Variants in MYO3B observed in about 807,000 individuals in gnomAD.
The protein encoded by MYO3B is myosin IIIB, also known as myosin-IIIb.
In MYO3B, 156 loss-of-function variants were observed where a neutral mutation model predicts 174.6. That is an observed-to-expected ratio of 0.89 (90% CI 0.78 to 1.02). The LOEUF (loss-of-function observed/expected upper bound fraction) is 1.02, where lower values mean the gene tolerates loss of function less well. Among genes scored for constraint, MYO3B ranks in the 50% least tolerant of loss-of-function variants. MYO3B has a pLI of 0.00. For synonymous variants in MYO3B, 563 were observed against 569.1 expected (o/e 0.99, Z 0.15); for missense variants, 1,632 against 1,639.4 (o/e 1.00, Z 0.08).
chr2:170,225,803 G>GA (rs1159566490), intron 6 of MYO3B, among the ~76,000 whole-genome samples: 1 of 152,064 alleles, frequency 6.6e-6, no homozygotes, highest in Non-Finnish European at 1.5e-5. Flanking sequence ...AAAATGGGGA[G>GA]AAAAAAACCT....
At chr2:170,365,028 T>G (rs866048706) in intron 8 of MYO3B, among the ~76,000 whole-genome samples, 3 of 152,196 alleles carry the variant, frequency 2.0e-5, no homozygotes, top group African/African-American at 7.2e-5. Flanking sequence ...TCCCCCAGTT[T>G]AGTTCAATTT....
intron 25 of MYO3B, among the ~76,000 whole-genome samples, chr2:170,495,603 G>A (rs981768878): frequency 2.0e-5 from 3 of 150,526 alleles, no homozygotes; most frequent in African/African-American, 7.3e-5. Flanking sequence ...ACCCACAGAT[G>A]TCCGAAAAAT....
At chr2:170,445,729 G>A (rs975731446) in intron 23 of MYO3B, among the ~76,000 whole-genome samples, 2 of 151,966 alleles carry the variant, frequency 1.3e-5, no homozygotes, top group South Asian at 2.1e-4. Flanking sequence ...TGAATTTCTG[G>A]CTTCAAGGAT....
chr2:170,596,705 C>T (rs35773866), intron 32 of MYO3B, among the ~76,000 whole-genome samples: 2 of 152,236 alleles, frequency 1.3e-5, no homozygotes, highest in South Asian at 2.1e-4. Flanking sequence ...CGCTGCCCCC[C>T]CAGGGCCTAG....
Position 170,634,665 on chromosome 2 carries a change from C to T in MYO3B, c.3734-16963C>T, listed in dbSNP as rs546667243. 3.3e-5 allele frequency among the ~76,000 whole-genome samples: 5 copies of T among 152,282 alleles called. No homozygotes were observed. The South Asian group carries it at 8.3e-4, about 25-fold the overall frequency. ...GCTTCTGCACAGCAAAAGAAACTAC[C>T]ATCAGAGTGAACAGGCAACCTACAG... On this transcript the variant is annotated intron_variant, in intron 32 of 34. Coordinates refer to ENST00000408978, the MANE Select transcript of MYO3B (RefSeq NM_138995.5).
intron 7 of MYO3B, among the ~76,000 whole-genome samples, chr2:170,279,599 G>C (rs1413496237): frequency 6.6e-6 from 1 of 151,894 alleles, no homozygotes; most frequent in African/African-American, 2.4e-5. Flanking sequence ...TATCTTTTCT[G>C]CTTCTCTCCC....
At chr2:170,643,043 A>G (rs1194109145) in intron 32 of MYO3B, among the ~76,000 whole-genome samples, 2 of 152,092 alleles carry the variant, frequency 1.3e-5, no homozygotes, top group Non-Finnish European at 2.9e-5. Context: ...TGAAAAAAAA[A>G]AAAATCCATG....
At chr2:170,394,930 T>A (rs1466934784) in intron 16 of MYO3B, among the ~76,000 whole-genome samples, 2 of 152,232 alleles carry the variant, frequency 1.3e-5, no homozygotes, top group African/African-American at 4.8e-5. Flanking sequence ...CTGGCAGACA[T>A]TTCTAGATAA....
rs1370547807 is a variant in MYO3B, at chr2:170,404,258, G to A, written c.2289G>A (p.Gln763=). ...HVFALEQMEY[Q]NEGIDAVPVE... is the part of the protein sequence containing the mutation. ...CCATTTCCCTCCAGATGGAATATCA[G>A]AATGAAGGCATTGATGCTGTACCCG... The change falls in exon 20 of 35, where the codon CAG becomes CAA. Residue 763 remains glutamine, a synonymous_variant. Transcript: ENST00000408978. 3 of 1,605,442 alleles carry A rather than the reference G, an allele frequency of 1.9e-6. No individual in the cohort carries two copies. Among genetic ancestry groups the A allele is most frequent in the Non-Finnish European group, 2.5e-6 (3 of 1,176,836 alleles).
intron 6 of MYO3B, among the ~76,000 whole-genome samples, chr2:170,220,004 A>G (rs1480480231): frequency 3.3e-5 from 5 of 152,350 alleles, no homozygotes; most frequent in Non-Finnish European, 7.3e-5. Context: ...CATACCTGTA[A>G]TCCCAGCACT....
chr2:170,579,036 T>C (rs567311801), intron 32 of MYO3B, among the ~76,000 whole-genome samples: 1 of 152,338 alleles, frequency 6.6e-6, no homozygotes, highest in East Asian at 1.9e-4. Flanking sequence ...ATGTTTGCAG[T>C]GCACATCGCC....
At chr2:170,289,145 T>C (rs1574723428) in intron 7 of MYO3B, among the ~76,000 whole-genome samples, 2 of 152,246 alleles carry the variant, frequency 1.3e-5, no homozygotes, top group East Asian at 3.9e-4. Context: ...CATATGTTCA[T>C]CAGTGATATC....
chr2:170,455,585 C>T (rs1056179071), intron 23 of MYO3B, among the ~76,000 whole-genome samples: 11 of 152,128 alleles, frequency 7.2e-5, no homozygotes, highest in Non-Finnish European at 1.6e-4. Context: ...AATTTAGTGA[C>T]ATAACATAGG....
At chr2:170,571,468 G>A (rs989143034) in intron 32 of MYO3B, among the ~76,000 whole-genome samples, 1 of 152,128 alleles carries the variant, frequency 6.6e-6, no homozygotes, top group Non-Finnish European at 1.5e-5. Flanking sequence ...GAGGTAAGTA[G>A]GTGTCAGATT....
chr2:170,571,171 T>A (rs922337395), intron 32 of MYO3B, among the ~76,000 whole-genome samples: 1 of 152,228 alleles, frequency 6.6e-6, no homozygotes, highest in Non-Finnish European at 1.5e-5. Context: ...AAAGGATTTA[T>A]TCATTCCTGA....
At chr2:170,339,197 T>C (rs1299658595) in intron 8 of MYO3B, among the ~76,000 whole-genome samples, 1 of 152,228 alleles carries the variant, frequency 6.6e-6, no homozygotes, top group Admixed American at 6.5e-5. Context: ...AAGATGATTA[T>C]CTGGTAATTT....
intron 32 of MYO3B, among the ~76,000 whole-genome samples, chr2:170,601,181 G>A (rs60267156): frequency 0.03 from 4,618 of 152,172 alleles, 258 homozygotes; most frequent in African/African-American, 0.11. Flanking sequence ...TATTTACTTC[G>A]AAGCATTCAG....
At chr2:170,327,211 C>A (rs1366763693) in intron 7 of MYO3B, among the ~76,000 whole-genome samples, 2 of 152,144 alleles carry the variant, frequency 1.3e-5, no homozygotes, top group Admixed American at 6.5e-5. Flanking sequence ...ATGGTAAAAC[C>A]CTGTCTCTAC....
At position 170,283,878 on chromosome 2, in the gene MYO3B, T is replaced by C. The variant is rs1325115133; in HGVS notation, c.749+47742T>C. ...AAGTTGCATACTGATTCTGAATGAG[T>C]GAATAGGTGGATGAGTGAGTGCAAA... On this transcript the variant is annotated intron_variant, in intron 7 of 34. Transcript: ENST00000408978. Among the ~76,000 whole-genome samples the C allele has an allele frequency of 2.0e-5, 3 of 152,282 alleles. No individual in the cohort carries two copies. The East Asian group carries it at 5.8e-4, about 29-fold the overall frequency.
Sources: allele counts gnomAD v4.1 joint callset (sites outside exome capture counted in the v4.1 genomes callset), GRCh38; gene constraint gnomAD v4.1.1; transcripts MANE v1.5; gene names NCBI Gene and HGNC (gene_info 2026-07-23, HGNC 2026-07-21).